FHIP2A: variants seen among roughly 807,000 people sequenced by gnomAD.
FHIP2A encodes family with sequence similarity 160 member B1.
In FHIP2A, 46 loss-of-function variants were observed where a neutral mutation model predicts 93.5. The ratio of observed to expected loss-of-function variants is 0.49; its 90% CI spans 0.39 to 0.63. FHIP2A has a LOEUF of 0.63. FHIP2A is among the 20% of genes least tolerant of loss of function. The pLI, the probability that FHIP2A is intolerant of heterozygous loss-of-function variation, is 0.00. For missense variants in FHIP2A, 769 were observed against 909.7 expected (o/e 0.85, Z 1.99); for synonymous variants, 332 against 326.5 (o/e 1.02, Z -0.18).
At chr10:114,838,085 C>T (rs147883181) in intron 5 of FHIP2A, among the ~76,000 whole-genome samples, 1 of 152,280 alleles carries the variant, frequency 6.6e-6, no homozygotes, top group Non-Finnish European at 1.5e-5. Flanking sequence ...TAAGAAACCG[C>T]CAAACTGTTT....
At chr10:114,845,529 T>C in intron 8 of FHIP2A, 48 bp downstream of exon 8, 1 of 1,148,190 alleles carries the variant, frequency 8.7e-7, no homozygotes, top group Non-Finnish European at 1.3e-6. Context: ...TATAAATATC[T>C]ATTAAGTGAA....
At chr10:114,834,520 G>C (rs2083625931) in intron 3 of FHIP2A, among the ~76,000 whole-genome samples, 1 of 152,118 alleles carries the variant, frequency 6.6e-6, no homozygotes, top group Non-Finnish European at 1.5e-5. Context: ...ACTATTTCCA[G>C]ATAACATGTC....
At chr10:114,890,219 G>A (rs1311959375) in intron 16 of FHIP2A, among the ~76,000 whole-genome samples, 1 of 151,952 alleles carries the variant, frequency 6.6e-6, no homozygotes, top group Admixed American at 6.6e-5. Context: ...GTAGAGACGA[G>A]GTTTCGCTAT....
intron 13 of FHIP2A, among the ~76,000 whole-genome samples, chr10:114,854,502 A>G (rs569824625): frequency 1.3e-5 from 2 of 152,328 alleles, no homozygotes; most frequent in East Asian, 3.9e-4. Flanking sequence ...CAAAAAAAAA[A>G]AGAATTCCTA....
In FHIP2A at chr10:114,862,926, G is replaced by A. The variant is rs1001783861; in HGVS notation, c.*1386G>A. ...TTTTATGTAGCATGTTTGCATATAC[G>A]CATTGTGTGGCATGTGCATAGAGGC... On this transcript the variant is annotated 3_prime_UTR_variant, in exon 17 of 17. Transcript: ENST00000369248. 2.2e-5 allele frequency: 22 copies of A among 985,398 alleles called. 1 individual carries two copies. The South Asian group carries it at 7.0e-4, about 32-fold the overall frequency. 61.0% of individuals were successfully genotyped at this position (985,398 alleles called of 1,614,324 possible).
intron 16 of FHIP2A, among the ~76,000 whole-genome samples, chr10:114,892,624 C>A (rs113286735): frequency 1.3e-5 from 2 of 151,560 alleles, no homozygotes; most frequent in Non-Finnish European, 2.9e-5. Context: ...GGTGACAGAG[C>A]GAGATTCTGT....
At position 114,830,940 on chromosome 10, in the gene FHIP2A, A is replaced by G. The variant is rs754485216; in HGVS notation, c.124+10A>G. The G allele has an allele frequency of 6.7e-7, 1 of 1,492,990 alleles. No individual in the cohort carries two copies. Among genetic ancestry groups the G allele is most frequent in the Non-Finnish European group, 9.0e-7 (1 of 1,105,206 alleles). The allele number at this position is 1,492,990 out of a possible 1,614,324, so 92.5% of individuals were successfully genotyped here. ...TACATAGAGACTTCAGGTAAGGAAC[A>G]ATGCTGATATTAACTGAAAATTTGT... On this transcript the variant is annotated intron_variant, in intron 2 of 16. Coordinates refer to ENST00000369248, the MANE Select transcript of FHIP2A (RefSeq NM_020940.4).
intron 16 of FHIP2A, among the ~76,000 whole-genome samples, chr10:114,871,096 T>C (rs1051008781): frequency 6.7e-6 from 1 of 148,274 alleles, no homozygotes; most frequent in Non-Finnish European, 1.5e-5. Flanking sequence ...TGTTTTTAAA[T>C]ATGTAATATA....
chr10:114,853,951 A>T lies in FHIP2A; in HGVS notation c.1804-1246A>T, dbSNP rs1390350103. Among the ~76,000 whole-genome samples, 6 of 152,210 alleles carry T rather than the reference A, an allele frequency of 3.9e-5. No homozygotes were observed. In the East Asian group the frequency reaches 1.2e-3, roughly 29 times the overall value. On this transcript the variant is annotated intron_variant, in intron 13 of 16. Transcript: ENST00000369248. ...AAGTCAAAGTAATTTTGCTTTATTA[A>T]ATAAGGAGAATCTGAAGAGGGAAGG...
At chr10:114,854,318 C>A (rs1169852192) in intron 13 of FHIP2A, among the ~76,000 whole-genome samples, 1 of 151,970 alleles carries the variant, frequency 6.6e-6, no homozygotes, top group Non-Finnish European at 1.5e-5. Flanking sequence ...CACGGAGAAA[C>A]CCCATCTCTA....
chr10:114,888,908 T>C lies in FHIP2A; in HGVS notation c.2193-10582T>C, dbSNP rs550158259. ...GTGAGCCACCGCGCCCTGCCAAAGG[T>C]GGAACTTTTGAGGTTTGTCTGAAGT... On this transcript the variant is annotated intron_variant, in intron 16 of 16. Transcript: ENST00000369250. Among the ~76,000 whole-genome samples, 8 of 152,300 alleles carry C rather than the reference T, an allele frequency of 5.3e-5. No homozygotes were observed. The South Asian group carries it at 1.7e-3, about 32-fold the overall frequency.
At chr10:114,896,913 G>C (rs1390235789) in intron 16 of FHIP2A, among the ~76,000 whole-genome samples, 1 of 152,148 alleles carries the variant, frequency 6.6e-6, no homozygotes, top group Non-Finnish European at 1.5e-5. Context: ...TATGTAAAAA[G>C]TAAAGTAAAG....
intron 16 of FHIP2A, among the ~76,000 whole-genome samples, chr10:114,876,834 C>T (rs1287665174): frequency 6.6e-6 from 1 of 152,182 alleles, no homozygotes; most frequent in Non-Finnish European, 1.5e-5. Flanking sequence ...CTCAGACTTC[C>T]GCCCCCGCAC....
intron 1 of FHIP2A, among the ~76,000 whole-genome samples, chr10:114,823,547 T>C (rs1301171653): frequency 6.6e-6 from 1 of 152,044 alleles, no homozygotes; most frequent in Admixed American, 6.6e-5. Context: ...CAGGTTGGAG[T>C]GCAGGGGTGT....
At chr10:114,871,125 T>G (rs1009423569) in intron 16 of FHIP2A, among the ~76,000 whole-genome samples, 3 of 148,588 alleles carry the variant, frequency 2.0e-5, no homozygotes, top group Non-Finnish European at 4.5e-5. Flanking sequence ...TATATATATA[T>G]ATTATATATA....
At chr10:114,852,730 C>A (rs2083744308) in intron 13 of FHIP2A, among the ~76,000 whole-genome samples, 2 of 151,840 alleles carry the variant, frequency 1.3e-5, no homozygotes, top group South Asian at 2.1e-4. Flanking sequence ...ATCTGAGAAC[C>A]CCTTCTTTAT....
intron 16 of FHIP2A, among the ~76,000 whole-genome samples, chr10:114,877,023 T>C (rs2083893002): frequency 6.6e-6 from 1 of 152,144 alleles, no homozygotes; most frequent in Non-Finnish European, 1.5e-5. Flanking sequence ...TATCTGCAAC[T>C]GTTACTCCTG....
intron 16 of FHIP2A, among the ~76,000 whole-genome samples, chr10:114,885,513 C>G (rs2083938732): frequency 6.6e-6 from 1 of 151,896 alleles, no homozygotes; most frequent in South Asian, 2.1e-4. Flanking sequence ...GACACTTAGT[C>G]AATATTAATT....
rs959784173 is a variant in FHIP2A, at chr10:114,862,623, A to T, written c.*1083A>T. The T allele has an allele frequency of 1.0e-6, 1 of 985,720 alleles. No individual in the cohort carries two copies. The highest frequency in any genetic ancestry group is 1.7e-5 in the African/African-American group (1 of 57,250). The allele number at this position is 985,720 out of a possible 1,614,324, so 61.1% of individuals were successfully genotyped here. A position where few individuals can be genotyped will look rare whatever the true frequency, so the allele number is the denominator to read the frequency against. On this transcript the variant is annotated 3_prime_UTR_variant, in exon 17 of 17. Transcript: ENST00000369248. ...TTGGGGAAATTGGGTATGTATGTGA[A>T]TGGGTGTACATGTAGGAACCTGTAG...
Sources: allele counts gnomAD v4.1 joint callset (sites outside exome capture counted in the v4.1 genomes callset), GRCh38; gene constraint gnomAD v4.1.1; transcripts MANE v1.5; gene names NCBI Gene and HGNC (gene_info 2026-07-23, HGNC 2026-07-21).